RAB11FIP2: variants seen among roughly 807,000 people sequenced by gnomAD.
The protein encoded by RAB11FIP2 is rab11 family-interacting protein 2.
A neutral mutation model predicts 40.9 loss-of-function variants in RAB11FIP2; 16 were observed. The observed-to-expected ratio is 0.39, with a 90% confidence interval of 0.26 to 0.59. The LOEUF (loss-of-function observed/expected upper bound fraction) is 0.59. Among genes scored for constraint, RAB11FIP2 ranks in the 20% least tolerant of loss-of-function variants. RAB11FIP2 has a pLI of 0.53. For missense variants in RAB11FIP2, 532 were observed against 606.2 expected (o/e 0.88, Z 1.28); for synonymous variants, 228 against 213.7 (o/e 1.07, Z -0.58).
intron 3 of RAB11FIP2, among the ~76,000 whole-genome samples, chr10:118,025,361 T>C (rs184834431): frequency 6.6e-6 from 1 of 152,362 alleles, no homozygotes; most frequent in East Asian, 1.9e-4. Context: ...GTACCTCTAA[T>C]ACACATTAAT....
At chr10:118,028,794 A>G (rs1005407373) in intron 3 of RAB11FIP2, among the ~76,000 whole-genome samples, 1 of 152,134 alleles carries the variant, frequency 6.6e-6, no homozygotes, top group African/African-American at 2.4e-5. Context: ...TGAGAGAAAT[A>G]TATTTAGTAA....
At chr10:118,034,119 G>A (rs60695406) in intron 3 of RAB11FIP2, 19 of 688,380 alleles carry the variant, frequency 2.8e-5, no homozygotes, top group Non-Finnish European at 4.8e-5. Flanking sequence ...CGCTACCACC[G>A]TACACAATTA....
intron 3 of RAB11FIP2, among the ~76,000 whole-genome samples, chr10:118,034,856 G>A (rs142057612): frequency 7.2e-5 from 11 of 152,182 alleles, no homozygotes; most frequent in African/African-American, 2.4e-4. Context: ...ACAGCATCCC[G>A]ACTTCTTAGT....
intron 1 of RAB11FIP2, chr10:118,045,540 A>C: frequency 2.7e-6 from 1 of 375,676 alleles, no homozygotes; most frequent in Non-Finnish European, 4.8e-6. Context: ...ATACTGAAAC[A>C]ATGTTAACTT....
At chr10:118,039,507 G>C (rs1846526666) in intron 2 of RAB11FIP2, 67 bp from the exon 3 acceptor site, 3 of 1,326,130 alleles carry the variant, frequency 2.3e-6, no homozygotes, top group Non-Finnish European at 3.1e-6. Flanking sequence ...GACACAGTCT[G>C]TGTGCATTCT....
At chr10:118,012,802 A>G (rs1374473041) in intron 4 of RAB11FIP2, among the ~76,000 whole-genome samples, 13 of 152,048 alleles carry the variant, frequency 8.5e-5, no homozygotes. Flanking sequence ...CCATACAGAC[A>G]GCACTTATGT....
chr10:118,033,296 C>A (rs943647307), intron 3 of RAB11FIP2, among the ~76,000 whole-genome samples: 3 of 151,836 alleles, frequency 2.0e-5, no homozygotes, highest in African/African-American at 7.3e-5. Flanking sequence ...GAGGGGAGGC[C>A]CAACAAATTG....
intron 4 of RAB11FIP2, 93 bp from the exon 5 acceptor site, chr10:118,009,318 C>A: frequency 8.1e-7 from 1 of 1,241,136 alleles, no homozygotes; most frequent in Non-Finnish European, 1.1e-6. Flanking sequence ...GTTTTTCAAA[C>A]CCTGATGAAG....
Position 118,045,821 on chromosome 10 carries a change from T to C in RAB11FIP2, c.343A>G (p.Arg115Gly), listed in dbSNP as rs1224879740. 1 of 1,600,930 alleles carries C rather than the reference T, an allele frequency of 6.2e-7. No homozygotes were observed. Among genetic ancestry groups the C allele is most frequent in the South Asian group, 1.1e-5 (1 of 89,146 alleles). The stretch of plus-strand genomic sequence containing the variant: ...AATTACATAACTTACTCTGTTTTCC[T>C]TCTTTGTTTGTCCTCAAAGATGTCA... Reference protein sequence around the residue: ...LNDIFEDKQRRKTEWFRLESK... With the variant: ...LNDIFEDKQRGKTEWFRLESK... The change falls in exon 1 of 5, where the codon AGG becomes GGG. Residue 115 changes from arginine to glycine, a missense_variant. Coordinates refer to ENST00000355624, the MANE Select transcript of RAB11FIP2 (RefSeq NM_014904.3).
chr10:118,029,096 G>C (rs956957931), intron 3 of RAB11FIP2, among the ~76,000 whole-genome samples: 2 of 150,660 alleles, frequency 1.3e-5, no homozygotes, highest in African/African-American at 4.9e-5. Flanking sequence ...AAAGACTATA[G>C]ACCTGACATT....
intron 3 of RAB11FIP2, among the ~76,000 whole-genome samples, chr10:118,031,507 GA>G (rs776036677): frequency 1.8e-4 from 28 of 152,018 alleles, no homozygotes; most frequent in Non-Finnish European, 3.4e-4. Context: ...ACCTCCTGAG[GA>G]AGGTATGATA....
intron 3 of RAB11FIP2, chr10:118,033,904 T>C (rs903121509): frequency 4.3e-6 from 3 of 698,194 alleles, no homozygotes; most frequent in Non-Finnish European, 5.2e-6. Flanking sequence ...ATTTATCATT[T>C]GGACAAGGGC....
intron 3 of RAB11FIP2, among the ~76,000 whole-genome samples, chr10:118,032,412 CGTGT>C (rs780686995): frequency 1.5e-4 from 22 of 148,732 alleles, no homozygotes; most frequent in African/African-American, 3.4e-4. Context: ...TGCGTGCGTG[CGTGT>C]GTGTGTGTTT....
At chr10:118,014,809 T>C (rs915952181) in intron 4 of RAB11FIP2, among the ~76,000 whole-genome samples, 4 of 152,186 alleles carry the variant, frequency 2.6e-5, no homozygotes, top group African/African-American at 7.2e-5. Context: ...AAACAAAATA[T>C]GTATATTCTA....
chr10:118,025,203 C>A (rs1194188736), intron 3 of RAB11FIP2, among the ~76,000 whole-genome samples: 2 of 152,152 alleles, frequency 1.3e-5, no homozygotes, highest in African/African-American at 4.8e-5. Context: ...CCAGGGCCAT[C>A]CCCCAACAGA....
chr10:118,023,018 T>C (rs1179429671), intron 3 of RAB11FIP2, among the ~76,000 whole-genome samples: 3 of 152,202 alleles, frequency 2.0e-5, no homozygotes, highest in Non-Finnish European at 2.9e-5. Flanking sequence ...CTTTTTAAGA[T>C]ACGAAGAATT....
rs1589634574 is a variant in RAB11FIP2, at chr10:118,006,293, A to G, written c.*2705T>C. ...TATGTAACAGAAGTACATTAGCTTA[A>G]GATAGTCTTGAGATAAATATCAATT... On this transcript the variant is annotated 3_prime_UTR_variant, in exon 5 of 5. Transcript: ENST00000355624. The G allele has an allele frequency of 1.3e-5, 2 of 152,624 alleles. No homozygotes were observed. Among genetic ancestry groups the G allele is most frequent in the East Asian group, 3.8e-4 (2 of 5,204 alleles). The allele number at this position is 152,624 out of a possible 1,614,324, so 9.5% of individuals were successfully genotyped here.
At chr10:118,037,610 C>A (rs975915708) in intron 3 of RAB11FIP2, among the ~76,000 whole-genome samples, 4 of 152,000 alleles carry the variant, frequency 2.6e-5, no homozygotes, top group Admixed American at 6.6e-5. Context: ...TTATCCTCAC[C>A]GAATCCTATC....
At chr10:118,039,663 T>C in intron 2 of RAB11FIP2, 2 of 527,588 alleles carry the variant, frequency 3.8e-6, no homozygotes, top group East Asian at 3.1e-5. Flanking sequence ...TAGTAATGTA[T>C]TCAGCTCACA....
Sources: allele counts gnomAD v4.1 joint callset (sites outside exome capture counted in the v4.1 genomes callset), GRCh38; gene constraint gnomAD v4.1.1; transcripts MANE v1.5; gene names NCBI Gene and HGNC (gene_info 2026-07-23, HGNC 2026-07-21).